Variants in ZFPM2 observed in about 807,000 individuals in gnomAD.
The protein encoded by ZFPM2 is zinc finger protein ZFPM2.
A neutral mutation model predicts 98.6 loss-of-function variants in ZFPM2; 20 were observed. The observed-to-expected ratio is 0.20, with a 90% CI of 0.14 to 0.29. The LOEUF is 0.29. ZFPM2 is among the 10% of genes least tolerant of loss of function. ZFPM2 has a pLI of 1.00. For synonymous variants in ZFPM2, 518 were observed against 502.7 expected, an observed-to-expected ratio of 1.03 and a Z score of -0.41; for missense variants, 1,310 against 1,388.6, an observed-to-expected ratio of 0.94 and a Z score of 0.90.
intron 5 of ZFPM2, among the ~76,000 whole-genome samples, chr8:105,711,252 T>C (rs1712939609): frequency 6.6e-6 from 1 of 152,134 alleles, no homozygotes; most frequent in Admixed American, 6.6e-5. Context: ...AAAGTATCCG[T>C]TAGAGCTGTT....
chr8:105,346,640 A>C (rs1183732363), intron 1 of ZFPM2, among the ~76,000 whole-genome samples: 1 of 152,164 alleles, frequency 6.6e-6, no homozygotes, highest in East Asian at 1.9e-4. Flanking sequence ...GGCACTTTAT[A>C]AGCATTTAAC....
At chr8:105,498,820 A>G (rs188351266) in intron 3 of ZFPM2, among the ~76,000 whole-genome samples, 5 of 152,318 alleles carry the variant, frequency 3.3e-5, no homozygotes, top group Non-Finnish European at 7.4e-5. Context: ...GGTGCCTTGC[A>G]TGCTGTGCAA....
chr8:105,478,078 GA>G (rs1231299642), intron 3 of ZFPM2, among the ~76,000 whole-genome samples: 1 of 152,198 alleles, frequency 6.6e-6, no homozygotes, highest in East Asian at 1.9e-4. Flanking sequence ...AAGCAACAAT[GA>G]GTCATTTGAC....
intron 3 of ZFPM2, among the ~76,000 whole-genome samples, chr8:105,446,433 A>G (rs1812371412): frequency 6.6e-6 from 1 of 152,074 alleles, no homozygotes; most frequent in Non-Finnish European, 1.5e-5. Context: ...AAGTAAGCAA[A>G]TTTTAGGGGA....
intron 3 of ZFPM2, among the ~76,000 whole-genome samples, chr8:105,513,730 AAGG>A (rs1223270111): frequency 6.6e-6 from 1 of 152,342 alleles, no homozygotes; most frequent in Admixed American, 6.5e-5. Flanking sequence ...TTTAATTATA[AAGG>A]AGGAGATCTA....
chr8:105,412,402 T>TA (rs1167057520), intron 1 of ZFPM2, among the ~76,000 whole-genome samples: 3 of 151,762 alleles, frequency 2.0e-5, no homozygotes, highest in East Asian at 3.9e-4. Flanking sequence ...GGTACAGATA[T>TA]AAAAAAGAGG....
intron 5 of ZFPM2, among the ~76,000 whole-genome samples, chr8:105,652,645 T>G (rs10105946): frequency 1.3e-5 from 2 of 152,010 alleles, no homozygotes; most frequent in Non-Finnish European, 2.9e-5. Context: ...TGATTATTCT[T>G]TAGGTCAGCT....
At chr8:105,509,411 C>T (rs553826942) in intron 3 of ZFPM2, among the ~76,000 whole-genome samples, 1 of 152,216 alleles carries the variant, frequency 6.6e-6, no homozygotes, top group South Asian at 2.1e-4. Context: ...AGCTGTTGAC[C>T]TTTCACCCTT....
At chr8:105,339,592 C>A (rs1812389363) in intron 1 of ZFPM2, among the ~76,000 whole-genome samples, 2 of 151,778 alleles carry the variant, frequency 1.3e-5, no homozygotes, top group African/African-American at 4.8e-5. Flanking sequence ...TGACATTGGA[C>A]CCGGATTGTG....
chr8:105,320,487 C>T (rs1271803822), intron 1 of ZFPM2, among the ~76,000 whole-genome samples: 3 of 152,278 alleles, frequency 2.0e-5, no homozygotes, highest in Non-Finnish European at 4.4e-5. Flanking sequence ...ATGGTTTCCA[C>T]CAATTGCCTT....
intron 1 of ZFPM2, among the ~76,000 whole-genome samples, chr8:105,324,668 C>A (rs1425026769): frequency 6.6e-6 from 1 of 151,822 alleles, no homozygotes; most frequent in East Asian, 1.9e-4. Flanking sequence ...TTCTCAGTTG[C>A]ATTTTAATCA....
chr8:105,696,496 A>G (rs564385198), intron 5 of ZFPM2, among the ~76,000 whole-genome samples: 1 of 152,332 alleles, frequency 6.6e-6, no homozygotes, highest in South Asian at 2.1e-4. Flanking sequence ...GCACTCATGT[A>G]TAGGCTCACT....
chr8:105,513,675 A>G (rs190132360), intron 3 of ZFPM2, among the ~76,000 whole-genome samples: 4 of 152,364 alleles, frequency 2.6e-5, no homozygotes, highest in African/African-American at 9.6e-5. Context: ...TTCTTCAAGT[A>G]TTTGAATCAG....
intron 5 of ZFPM2, among the ~76,000 whole-genome samples, chr8:105,788,218 T>A (rs1813479248): frequency 6.6e-6 from 1 of 152,188 alleles, no homozygotes; most frequent in African/African-American, 2.4e-5. Flanking sequence ...GAGTTTTTGT[T>A]TACTTGTTCT....
chr8:105,620,690 TC>T (rs1816521226), intron 4 of ZFPM2, among the ~76,000 whole-genome samples: 1 of 152,222 alleles, frequency 6.6e-6, no homozygotes, highest in South Asian at 2.1e-4. Flanking sequence ...CTTTAATCCA[TC>T]TTGAATTGAT....
chr8:105,509,876 A>G (rs1038721181), intron 3 of ZFPM2, among the ~76,000 whole-genome samples: 2 of 152,200 alleles, frequency 1.3e-5, no homozygotes, highest in African/African-American at 2.4e-5. Flanking sequence ...AGAAGATAAA[A>G]CACGAGGATT....
In ZFPM2 at chr8:105,803,076, C is replaced by A; in HGVS notation, c.2994C>A (p.Val998=). Residue 998 remains valine (V), a synonymous_variant, in exon 8 of 8, where the codon GTC becomes GTA. Transcript: ENST00000407775. Reference sequence around the variant, plus strand: ...GTGATTATATTTCTGGTTCTCTTGTCATCCATAACACTGACATCGAGCAAA... The same window carrying A: ...GTGATTATATTTCTGGTTCTCTTGTAATCCATAACACTGACATCGAGCAAA... ...KPSDYISGSL[V]IHNTDIEQSR... 1 of 1,613,850 alleles carries A rather than the reference C, an allele frequency of 6.2e-7. No homozygotes were observed. Among genetic ancestry groups the A allele is most frequent in the South Asian group, 1.1e-5 (1 of 91,072 alleles).
Position 105,803,027 on chromosome 8 carries a change from C to A in ZFPM2, c.2945C>A (p.Ser982Tyr), listed in dbSNP as rs761669316. 2 of 1,613,344 alleles carry A rather than the reference C, an allele frequency of 1.2e-6. No homozygotes were observed. Among genetic ancestry groups the A allele is most frequent in the Non-Finnish European group, 1.7e-6 (2 of 1,179,648 alleles). ...AAAGCAAAAGGAGCCGACCAGCTTT[C>A]TCCATATTATGGAATCAAGCCAAGT... is the stretch of plus-strand genomic sequence containing the variant. ...IKKAKGADQL[S>Y]PYYGIKPSDY... Residue 982 changes from serine (S) to tyrosine (Y), a missense_variant, in exon 8 of 8, where the codon TCT becomes TAT. Physicochemically the swap from Ser to Tyr is moderately radical, Grantham distance 144. Coordinates refer to ENST00000407775, the MANE Select transcript of ZFPM2 (RefSeq NM_012082.4).
intron 5 of ZFPM2, among the ~76,000 whole-genome samples, chr8:105,759,234 T>C (rs1275394888): frequency 1.7e-4 from 26 of 152,118 alleles, no homozygotes; most frequent in Admixed American, 1.7e-3. Flanking sequence ...TGTACTAGCC[T>C]TTTAATTTTA....
Sources: gnomAD v4.1 joint callset for allele counts (sites outside exome capture counted in the v4.1 genomes callset) on GRCh38, gnomAD v4.1.1 for gene constraint, MANE v1.5 for transcripts, NCBI Gene and HGNC (gene_info 2026-07-23, HGNC 2026-07-21) for gene names.